The following MAPK10 variants were observed in gnomAD, a reference collection of about 807,000 sequenced individuals.
The protein encoded by MAPK10 is JNK3 alpha protein kinase.
A neutral mutation model predicts 59.3 loss-of-function variants in MAPK10; 25 were observed. The ratio of observed to expected loss-of-function variants is 0.42; its 90% CI spans 0.31 to 0.59. The LOEUF is 0.59. Ranked by LOEUF, MAPK10 falls within the 20% of genes least tolerant of loss-of-function variation. The probability of loss-of-function intolerance (pLI) is 0.15; values close to 1 mark genes in which losing one functional copy is unlikely to be tolerated. For synonymous variants in MAPK10, 190 were observed against 200.5 expected (o/e 0.95, Z 0.44); for missense variants, 351 against 568.9 (o/e 0.62, Z 3.90).
Position 86,527,696 on chromosome 4 carries a change from A to C in MAPK10, c.-263+66214T>G, listed in dbSNP as rs142303771. On this transcript the variant is annotated intron_variant, in intron 1 of 4. Coordinates refer to the MAPK10 transcript ENST00000502302. ...GAGGAAAATAAATCATTCTACCAAA[A>C]AGACACATGCACTTGTGTGTTCATC... 5.5e-3 allele frequency among the ~76,000 whole-genome samples: 844 copies of C among 152,370 alleles called. 14 individuals carry two copies. Among genetic ancestry groups the C allele is most frequent in the African/African-American group, 0.019 (810 of 41,578 alleles).
intron 9 of MAPK10, among the ~76,000 whole-genome samples, chr4:86,072,096 G>C (rs1268402429): frequency 2.0e-5 from 3 of 149,882 alleles, no homozygotes; most frequent in African/African-American, 7.5e-5. Flanking sequence ...TCTCCTTGAA[G>C]AGGTCCTTCA....
intron 2 of MAPK10, among the ~76,000 whole-genome samples, chr4:86,349,254 A>G (rs569760089): frequency 1.1e-4 from 16 of 152,328 alleles, no homozygotes; most frequent in Middle Eastern, 3.4e-3. Flanking sequence ...CATTGTATCC[A>G]GAGACAGAAT....
At chr4:86,123,446 T>C (rs77741994) in intron 4 of MAPK10, among the ~76,000 whole-genome samples, 7,483 of 152,108 alleles carry the variant, frequency 0.049, 618 homozygotes, top group African/African-American at 0.17. Flanking sequence ...ATGGAAGTTG[T>C]AGTTTTAGTT....
chr4:86,191,907 A>C (rs1265622466), intron 3 of MAPK10: 1 of 152,014 alleles, frequency 6.6e-6, no homozygotes, highest in Non-Finnish European at 1.5e-5. Flanking sequence ...AGTGGCTGGT[A>C]CCAACTGTTC....
intron 1 of MAPK10, among the ~76,000 whole-genome samples, chr4:86,467,760 C>T (rs1193170368): frequency 6.6e-6 from 1 of 152,138 alleles, no homozygotes; most frequent in Non-Finnish European, 1.5e-5. Context: ...CCTCGTGATC[C>T]GCGCACCTCG....
At chr4:86,189,252 T>G (rs1289167859) in intron 3 of MAPK10, among the ~76,000 whole-genome samples, 6 of 152,192 alleles carry the variant, frequency 3.9e-5, no homozygotes. Flanking sequence ...CATATGAAAT[T>G]TAAAGTAGTT....
rs1474181458 is a variant in MAPK10 at position 86,023,850 on chromosome 4, T to A, written c.1252+5347A>T. The A allele has an allele frequency of 4.4e-5, 5 of 112,756 alleles. No individual in the cohort carries two copies. In the East Asian group the frequency reaches 1.3e-3, roughly 30 times the overall value. 7.0% of individuals were successfully genotyped at this position (112,756 alleles called of 1,614,324 possible). On this transcript the variant is annotated intron_variant, in intron 13 of 13. Transcript: ENST00000641462. ...ATATATATATATATATATATATATA[T>A]AAAATGAATGTTGTAATTAACTAGA...
At chr4:86,212,969 C>T (rs1364917345) in intron 2 of MAPK10, among the ~76,000 whole-genome samples, 1 of 152,060 alleles carries the variant, frequency 6.6e-6, no homozygotes, top group Non-Finnish European at 1.5e-5. Context: ...CAGAATAGGC[C>T]ATATGTTAGT....
At chr4:86,581,265 A>G (rs1762241757) in intron 1 of MAPK10, among the ~76,000 whole-genome samples, 1 of 152,062 alleles carries the variant, frequency 6.6e-6, no homozygotes, top group African/African-American at 2.4e-5. Context: ...ATTTAAAAAA[A>G]AAAATACAGA....
intron 1 of MAPK10, among the ~76,000 whole-genome samples, chr4:86,459,064 G>GA (rs1354227685): frequency 2.0e-5 from 3 of 150,474 alleles, no homozygotes; most frequent in African/African-American, 4.9e-5. Flanking sequence ...AAATTAGCAA[G>GA]AAAAAAAACA....
chr4:86,512,679 T>C (rs1756370168), intron 1 of MAPK10, among the ~76,000 whole-genome samples: 2 of 152,206 alleles, frequency 1.3e-5, no homozygotes, highest in South Asian at 2.1e-4. Flanking sequence ...TATCCTGAAT[T>C]CTTCTAGAGT....
chr4:86,053,283 G>A (rs1264160985), intron 11 of MAPK10, among the ~76,000 whole-genome samples: 9 of 152,096 alleles, frequency 5.9e-5, no homozygotes, highest in Non-Finnish European at 1.2e-4. Flanking sequence ...GCTCTTTACT[G>A]AAAACACAAT....
intron 9 of MAPK10, among the ~76,000 whole-genome samples, chr4:86,070,800 A>G (rs1307225058): frequency 2.0e-5 from 3 of 151,878 alleles, no homozygotes; most frequent in African/African-American, 4.8e-5. Context: ...ATTGTTGGAC[A>G]TTTGGGTTGG....
chr4:86,283,056 A>G (rs761985482), intron 2 of MAPK10, among the ~76,000 whole-genome samples: 3 of 152,224 alleles, frequency 2.0e-5, no homozygotes, highest in Non-Finnish European at 4.4e-5. Context: ...CTTATTCAAT[A>G]AAAACACTAT....
chr4:86,262,324 C>A (rs769826498), intron 2 of MAPK10, among the ~76,000 whole-genome samples: 1 of 152,006 alleles, frequency 6.6e-6, no homozygotes, highest in Admixed American at 6.5e-5. Flanking sequence ...GGTCCCTCGA[C>A]CTCGGATTTC....
chr4:86,355,375 TC>T (rs1733896584), intron 1 of MAPK10, among the ~76,000 whole-genome samples: 1 of 151,880 alleles, frequency 6.6e-6, no homozygotes. Flanking sequence ...CCTCTCACTA[TC>T]CCACCACCTC....
At chr4:86,398,639 A>C (rs927045727) in intron 1 of MAPK10, among the ~76,000 whole-genome samples, 1 of 152,166 alleles carries the variant, frequency 6.6e-6, no homozygotes. Flanking sequence ...CAGGTGGTAC[A>C]TGTGCAGGTT....
intron 11 of MAPK10, among the ~76,000 whole-genome samples, chr4:86,056,896 A>C (rs972926725): frequency 4.0e-5 from 6 of 149,542 alleles, no homozygotes; most frequent in Non-Finnish European, 7.4e-5. Flanking sequence ...TAATCTATGC[A>C]TTTGGGTAAC....
chr4:86,469,561 C>T (rs932984879), intron 1 of MAPK10, among the ~76,000 whole-genome samples: 4 of 152,182 alleles, frequency 2.6e-5, no homozygotes, highest in African/African-American at 9.7e-5. Context: ...CCAAGATTTT[C>T]CAATTGCCAA....
Sources: allele counts gnomAD v4.1 joint callset (sites outside exome capture counted in the v4.1 genomes callset), GRCh38; gene constraint gnomAD v4.1.1; transcripts MANE v1.5; gene names NCBI Gene and HGNC (gene_info 2026-07-23, HGNC 2026-07-21).